PALLD: variants seen among roughly 807,000 people sequenced by gnomAD.
PALLD encodes the protein palladin.
A neutral mutation model predicts 123.5 loss-of-function variants in PALLD; 61 were observed. That is an observed-to-expected ratio of 0.49 (90% CI 0.40 to 0.61). PALLD has a LOEUF of 0.61. Ranked by LOEUF, PALLD falls within the 20% of genes least tolerant of loss-of-function variation. The pLI, the probability that PALLD is intolerant of heterozygous loss-of-function variation, is 0.00. For synonymous variants in PALLD, 465 were observed against 496.4 expected, an observed-to-expected ratio of 0.94 and a Z score of 0.84; for missense variants, 1,273 against 1,377.0, an observed-to-expected ratio of 0.92 and a Z score of 1.20.
intron 10 of PALLD, chr4:168,885,390 A>G (rs1436357077): frequency 4.6e-5 from 7 of 152,206 alleles, no homozygotes; most frequent in South Asian, 2.1e-4. Context: ...TAAAATTGCA[A>G]TGATACAGAG....
intron 2 of PALLD, among the ~76,000 whole-genome samples, chr4:168,554,414 C>T (rs1767061545): frequency 6.6e-6 from 1 of 152,158 alleles, no homozygotes; most frequent in African/African-American, 2.4e-5. Flanking sequence ...AAGACACTAT[C>T]CCATCTTTAA....
At chr4:168,555,262 A>G (rs57569208) in intron 2 of PALLD, among the ~76,000 whole-genome samples, 43,462 of 152,104 alleles carry the variant, frequency 0.29, 6,559 homozygotes, top group South Asian at 0.44. Context: ...GTCAAGGCTG[A>G]TTAGGAACGG....
At chr4:168,600,102 C>T (rs1254571728) in intron 2 of PALLD, among the ~76,000 whole-genome samples, 20 of 106,766 alleles carry the variant, frequency 1.9e-4, no homozygotes, top group Non-Finnish European at 3.1e-4. Context: ...CATGTGTATG[C>T]ACACATATAT....
intron 10 of PALLD, among the ~76,000 whole-genome samples, chr4:168,727,716 G>A (rs1786738162): frequency 1.3e-5 from 2 of 152,088 alleles, no homozygotes; most frequent in African/African-American, 4.8e-5. Flanking sequence ...AGTTTAATTA[G>A]ATCCCACTTG....
Position 168,755,977 on chromosome 4 carries a change from C to T in PALLD, c.1964+44054C>T, listed in dbSNP as rs973885083. The T allele has an allele frequency of 3.2e-4, 52 of 164,254 alleles. 1 individual carries two copies. Among genetic ancestry groups the T allele is most frequent in the Non-Finnish European group, 1.0e-4 (8 of 76,198 alleles). The allele number at this position is 164,254 out of a possible 1,614,324, so 10.2% of individuals were successfully genotyped here. A position where few individuals can be genotyped will look rare whatever the true frequency, so the allele number is the denominator to read the frequency against. ...TCCTTGGAAAGAAAAAGCAGAGGCT[C>T]CAGATTGACAAATGCTGAGAAGATG... On this transcript the variant is annotated intron_variant, in intron 10 of 21. Coordinates refer to ENST00000505667, the MANE Select transcript of PALLD (RefSeq NM_001166108.2).
At chr4:168,499,375 G>A (rs1761154955) in intron 1 of PALLD, among the ~76,000 whole-genome samples, 1 of 132,242 alleles carries the variant, frequency 7.6e-6, no homozygotes, top group African/African-American at 2.8e-5. Flanking sequence ...GAGGAAGGGA[G>A]GGACTTTATT....
chr4:168,561,365 G>A (rs563282929), intron 2 of PALLD, among the ~76,000 whole-genome samples: 6 of 152,122 alleles, frequency 3.9e-5, no homozygotes, highest in South Asian at 2.1e-4. Flanking sequence ...AGGGTTAAAC[G>A]ATCCTCTTAC....
chr4:168,812,469 C>T (rs1336924269), intron 10 of PALLD, among the ~76,000 whole-genome samples: 1 of 152,200 alleles, frequency 6.6e-6, no homozygotes, highest in Non-Finnish European at 1.5e-5. Flanking sequence ...ACAAGGAGCA[C>T]AGCATCTATG....
chr4:168,512,246 G>A lies in PALLD; in HGVS notation c.742G>A (p.Asp248Asn), dbSNP rs1265777033. 1.9e-6 allele frequency: 3 copies of A among 1,613,946 alleles called. No homozygotes were observed. Among genetic ancestry groups the A allele is most frequent in the Non-Finnish European group, 2.5e-6 (3 of 1,180,012 alleles). The change falls in exon 2 of 22, where the codon GAC becomes AAC. Residue 248 changes from aspartate (D) to asparagine (N), a missense_variant. This residue lies in a region of PALLD where 944 missense variants were observed against 954.5 expected (regional missense o/e 0.99). Coordinates refer to ENST00000505667, the MANE Select transcript of PALLD (RefSeq NM_001166108.2). ...GARHCYQDNQ[D>N]LAVPHNRKSH... ...CAGGCATTGCTACCAGGACAACCAGGACTTGGCAGTGCCACACAACCGCAA... is the reference window on the plus strand; with the variant it reads ...CAGGCATTGCTACCAGGACAACCAGAACTTGGCAGTGCCACACAACCGCAA...
intron 2 of PALLD, among the ~76,000 whole-genome samples, chr4:168,644,382 C>T (rs184049525): frequency 2.1e-4 from 32 of 152,298 alleles, no homozygotes; most frequent in African/African-American, 7.0e-4. Context: ...AGCCACTGCA[C>T]GTGGCCGGAT....
At chr4:168,920,557 CA>C (rs1287720198) in intron 17 of PALLD, among the ~76,000 whole-genome samples, 3 of 152,128 alleles carry the variant, frequency 2.0e-5, no homozygotes, top group African/African-American at 7.2e-5. Context: ...CATTCAAAAT[CA>C]AGGGCAAAAC....
chr4:168,710,816 G>A (rs1581096680), intron 9 of PALLD, among the ~76,000 whole-genome samples: 1 of 152,302 alleles, frequency 6.6e-6, no homozygotes, highest in Admixed American at 6.5e-5. Flanking sequence ...GGCTCTATAA[G>A]TCTGAGTGGC....
intron 2 of PALLD, among the ~76,000 whole-genome samples, chr4:168,525,820 G>C (rs1763992292): frequency 6.6e-6 from 1 of 152,112 alleles, no homozygotes; most frequent in African/African-American, 2.4e-5. Flanking sequence ...ATCCTAATAG[G>C]CCAATGCAGG....
At chr4:168,792,087 A>C (rs1159635884) in intron 10 of PALLD, among the ~76,000 whole-genome samples, 1 of 152,170 alleles carries the variant, frequency 6.6e-6, no homozygotes, top group South Asian at 2.1e-4. Flanking sequence ...ATATGTACAT[A>C]GCTACAATTT....
chr4:168,709,562 GGAAGGAAGGAAGGAAGGA>G (rs1784567683), intron 9 of PALLD, among the ~76,000 whole-genome samples: 17 of 634 alleles, frequency 0.027, no homozygotes, highest in South Asian at 0.05. Context: ...AAGGAAGGAA[GGAAGGAAGGAAGGAAGGA>G]AGGAAGGAAG....
At chr4:168,777,898 G>GGA (rs1735387981) in intron 10 of PALLD, among the ~76,000 whole-genome samples, 1 of 152,088 alleles carries the variant, frequency 6.6e-6, no homozygotes, top group African/African-American at 2.4e-5. Flanking sequence ...TGTAATTCAG[G>GGA]GAGCCAGCTG....
intron 2 of PALLD, among the ~76,000 whole-genome samples, chr4:168,626,976 C>T (rs1230076217): frequency 2.0e-5 from 3 of 152,102 alleles, no homozygotes; most frequent in African/African-American, 4.8e-5. Flanking sequence ...TCAATAGGTA[C>T]AGCATTTCCA....
chr4:168,755,557 C>T (rs544687767), intron 10 of PALLD, among the ~76,000 whole-genome samples: 97 of 152,086 alleles, frequency 6.4e-4, no homozygotes, highest in African/African-American at 2.1e-3. Context: ...CTTGCAAGCC[C>T]GGGTAAGGAC....
chr4:168,688,495 G>A (rs1478477999), intron 6 of PALLD, among the ~76,000 whole-genome samples: 1 of 152,144 alleles, frequency 6.6e-6, no homozygotes, highest in Non-Finnish European at 1.5e-5. Flanking sequence ...AGGGGTCCTT[G>A]TAAGGATCCT....
Sources: gnomAD v4.1 joint callset for allele counts (sites outside exome capture counted in the v4.1 genomes callset) on GRCh38, gnomAD v4.1.1 for gene constraint, gnomAD v4.1.1 regional missense constraint, MANE v1.5 for transcripts, NCBI Gene and HGNC (gene_info 2026-07-23, HGNC 2026-07-21) for gene names.